GALNTL6: variants seen among roughly 807,000 people sequenced by gnomAD.
The protein encoded by GALNTL6 is polypeptide N-acetylgalactosaminyltransferase-like 6.
In GALNTL6, 46 loss-of-function variants were observed where a neutral mutation model predicts 73.7. That is an observed-to-expected ratio of 0.62 (90% CI 0.49 to 0.80). The LOEUF is 0.80. GALNTL6 is among the 30% of genes least tolerant of loss of function. The pLI is 0.00. For synonymous variants in GALNTL6, 259 were observed against 263.7 expected (o/e 0.98, Z 0.17); for missense variants, 604 against 755.0 (o/e 0.80, Z 2.34).
chr4:173,032,728 C>T (rs1753523448), intron 12 of GALNTL6, among the ~76,000 whole-genome samples: 1 of 152,138 alleles, frequency 6.6e-6, no homozygotes, highest in Admixed American at 6.5e-5. Context: ...CAGGACTACA[C>T]AAGACCTTGT....
chr4:171,898,585 G>C (rs1736993474), intron 2 of GALNTL6, among the ~76,000 whole-genome samples: 1 of 152,022 alleles, frequency 6.6e-6, no homozygotes, highest in Non-Finnish European at 1.5e-5. Context: ...CCTATGTAAG[G>C]AAGCCAGAAG....
intron 7 of GALNTL6, among the ~76,000 whole-genome samples, chr4:172,859,989 C>T (rs1744316226): frequency 6.6e-6 from 1 of 152,136 alleles, no homozygotes; most frequent in African/African-American, 2.4e-5. Flanking sequence ...TTTCATTATA[C>T]ATTACAATGT....
intron 9 of GALNTL6, among the ~76,000 whole-genome samples, chr4:172,950,046 G>C (rs1749368360): frequency 6.6e-6 from 1 of 152,202 alleles, no homozygotes; most frequent in Non-Finnish European, 1.5e-5. Context: ...AAAATAGTAA[G>C]ATGATATTAC....
At chr4:172,850,877 A>T (rs933773333) in intron 7 of GALNTL6, among the ~76,000 whole-genome samples, 8 of 152,144 alleles carry the variant, frequency 5.3e-5, no homozygotes, top group African/African-American at 1.7e-4. Flanking sequence ...AAATTAAAAG[A>T]TGTGTAGGGC....
chr4:172,019,810 G>A (rs1560887766), intron 2 of GALNTL6, among the ~76,000 whole-genome samples: 1 of 151,984 alleles, frequency 6.6e-6, no homozygotes, highest in Non-Finnish European at 1.5e-5. Flanking sequence ...CTTCATTATA[G>A]GCCAAGTGGA....
intron 2 of GALNTL6, among the ~76,000 whole-genome samples, chr4:172,038,701 C>G (rs911484101): frequency 6.6e-6 from 1 of 152,180 alleles, no homozygotes; most frequent in Non-Finnish European, 1.5e-5. Flanking sequence ...AAACAGTCAG[C>G]AAAGCCTGCA....
intron 2 of GALNTL6, among the ~76,000 whole-genome samples, chr4:172,065,544 C>T (rs561450528): frequency 1.3e-4 from 19 of 151,774 alleles, no homozygotes; most frequent in South Asian, 2.1e-4. Context: ...CTTTGACCTC[C>T]GATACTGAAC....
At chr4:171,841,249 G>A (rs1735232269) in intron 2 of GALNTL6, among the ~76,000 whole-genome samples, 1 of 152,116 alleles carries the variant, frequency 6.6e-6, no homozygotes, top group Non-Finnish European at 1.5e-5. Context: ...GAATTGAAAG[G>A]AGATATTAAT....
chr4:172,788,323 G>A (rs1380528756), intron 5 of GALNTL6, among the ~76,000 whole-genome samples: 1 of 152,190 alleles, frequency 6.6e-6, no homozygotes, highest in East Asian at 1.9e-4. Context: ...AGTGAGCCAT[G>A]CTCATGCCAC....
chr4:172,872,934 T>G (rs1190339941), intron 7 of GALNTL6, among the ~76,000 whole-genome samples: 2 of 152,234 alleles, frequency 1.3e-5, no homozygotes, highest in Admixed American at 1.3e-4. Flanking sequence ...TGTCCTGGAC[T>G]GCCATTACCT....
chr4:172,835,646 T>C (rs1219369841), intron 7 of GALNTL6, among the ~76,000 whole-genome samples: 1 of 152,118 alleles, frequency 6.6e-6, no homozygotes, highest in East Asian at 1.9e-4. Context: ...GGTGACAGGG[T>C]GTACCATCCG....
In GALNTL6 at chr4:172,069,522, G is replaced by GACACATATGTGTTATA. The variant is rs1731460599; in HGVS notation, c.139-160134_139-160133insACACATATGTGTTATA. Among the ~76,000 whole-genome samples the GACACATATGTGTTATA allele has an allele frequency of 1.6e-4, 9 of 56,018 alleles. 3 individuals carry two copies. The highest frequency in any genetic ancestry group is 4.7e-4 in the African/African-American group (5 of 10,592). The allele number at this position is 56,018 out of a possible 152,430, so 36.7% of individuals were successfully genotyped here. A position where few individuals can be genotyped will look rare whatever the true frequency, so the allele number is the denominator to read the frequency against. On this transcript the variant is annotated intron_variant, in intron 2 of 12. Coordinates refer to ENST00000506823, the MANE Select transcript of GALNTL6 (RefSeq NM_001034845.3). ...TATGTATAACACATATATGTTATAT[G>GACACATATGTGTTATA]TATAACACATATATTATATATAACA...
At chr4:171,998,570 C>T (rs187028604) in intron 2 of GALNTL6, among the ~76,000 whole-genome samples, 5 of 152,188 alleles carry the variant, frequency 3.3e-5, no homozygotes, top group East Asian at 1.9e-4. Context: ...AATATATAAA[C>T]GTTGGGGGAC....
intron 5 of GALNTL6, among the ~76,000 whole-genome samples, chr4:172,562,608 A>G (rs1307964843): frequency 6.6e-6 from 1 of 152,072 alleles, no homozygotes; most frequent in South Asian, 2.1e-4. Context: ...TGCTAAATTC[A>G]CTCAAACCCT....
chr4:172,534,034 A>G (rs551612490), intron 5 of GALNTL6, among the ~76,000 whole-genome samples: 2 of 152,314 alleles, frequency 1.3e-5, no homozygotes, highest in South Asian at 4.1e-4. Flanking sequence ...AGGGCTGTGG[A>G]AGAAGTGATT....
At chr4:172,168,404 A>G (rs1049902542) in intron 2 of GALNTL6, among the ~76,000 whole-genome samples, 2 of 152,086 alleles carry the variant, frequency 1.3e-5, no homozygotes, top group Non-Finnish European at 2.9e-5. Context: ...GCCTCAGCCT[A>G]AAGTTTTTAA....
intron 5 of GALNTL6, among the ~76,000 whole-genome samples, chr4:172,480,636 C>T (rs1235099288): frequency 6.6e-6 from 1 of 152,152 alleles, no homozygotes; most frequent in Non-Finnish European, 1.5e-5. Flanking sequence ...ATGCCAAAAT[C>T]CAGTGGCTTA....
At chr4:171,847,433 T>C (rs1735403475) in intron 2 of GALNTL6, among the ~76,000 whole-genome samples, 1 of 152,148 alleles carries the variant, frequency 6.6e-6, no homozygotes, top group Non-Finnish European at 1.5e-5. Flanking sequence ...CTGATGATGA[T>C]TGGGGTGGCT....
At chr4:172,884,522 T>C (rs1401188566) in intron 8 of GALNTL6, among the ~76,000 whole-genome samples, 1 of 152,174 alleles carries the variant, frequency 6.6e-6, no homozygotes, top group Admixed American at 6.5e-5. Flanking sequence ...CTGGTTATTA[T>C]TTCTTTGTCA....
Sources: gnomAD v4.1 joint callset for allele counts (sites outside exome capture counted in the v4.1 genomes callset) on GRCh38, gnomAD v4.1.1 for gene constraint, MANE v1.5 for transcripts, NCBI Gene and HGNC (gene_info 2026-07-23, HGNC 2026-07-21) for gene names.